Variants in INPP5B observed in about 807,000 individuals in gnomAD.
INPP5B encodes inositol polyphosphate-5-phosphatase B.
In INPP5B, 90 loss-of-function variants were observed where a neutral mutation model predicts 118.5. The observed-to-expected ratio is 0.76, with a 90% CI of 0.64 to 0.90. The LOEUF is 0.90. INPP5B is among the 40% of genes least tolerant of loss of function. INPP5B has a pLI of 0.00. For synonymous variants in INPP5B, 385 were observed against 418.9 expected, an observed-to-expected ratio of 0.92 and a Z score of 0.99; for missense variants, 984 against 1,125.6, an observed-to-expected ratio of 0.87 and a Z score of 1.80.
At chr1:37,886,325 C>T (rs1643534852) in intron 12 of INPP5B, among the ~76,000 whole-genome samples, 1 of 151,776 alleles carries the variant, frequency 6.6e-6, no homozygotes, top group African/African-American at 2.4e-5. Context: ...AAGCTGAATC[C>T]ACAACCTAAC....
intron 20 of INPP5B, among the ~76,000 whole-genome samples, 183 bp downstream of exon 20, chr1:37,868,312 CAAAAAA>C (rs35639791): frequency 1.2e-5 from 1 of 83,026 alleles, no homozygotes; most frequent in Non-Finnish European, 2.4e-5. Flanking sequence ...AACTCTGTCT[CAAAAAA>C]AAAAAAAAAA....
intron 19 of INPP5B, among the ~76,000 whole-genome samples, chr1:37,869,289 G>A (rs540104145): frequency 1.0e-4 from 15 of 150,290 alleles, no homozygotes; most frequent in African/African-American, 3.2e-4. Context: ...CACCGTGCCC[G>A]GCCCGATTTT....
At chr1:37,898,284 CAAAT>C (rs1644198272) in intron 7 of INPP5B, among the ~76,000 whole-genome samples, 1 of 151,886 alleles carries the variant, frequency 6.6e-6, no homozygotes, top group Non-Finnish European at 1.5e-5. Flanking sequence ...AGGGTGGGGT[CAAAT>C]AAATGAAGAA....
chr1:37,905,726 T>C (rs902682575), intron 7 of INPP5B, among the ~76,000 whole-genome samples: 1 of 152,206 alleles, frequency 6.6e-6, no homozygotes, highest in Non-Finnish European at 1.5e-5. Flanking sequence ...GACATTAGAA[T>C]TGAGGAAAAA....
At chr1:37,896,854 G>A (rs1644117312) in intron 7 of INPP5B, among the ~76,000 whole-genome samples, 1 of 138,334 alleles carries the variant, frequency 7.2e-6, no homozygotes, top group African/African-American at 2.7e-5. Flanking sequence ...GCCCCTACGG[G>A]GAAGTGAGGA....
At position 37,889,598 on chromosome 1, in the gene INPP5B, T is replaced by C. The variant is rs751225260; in HGVS notation, c.756A>G (p.Leu252=). 37 of 1,613,918 alleles carry C rather than the reference T, an allele frequency of 2.3e-5. No homozygotes were observed. The African/African-American group carries it at 2.7e-4, about 12-fold the overall frequency. The change falls in exon 9 of 24, where the codon CTA becomes CTG. Residue 252 remains leucine, a synonymous_variant. Coordinates refer to ENST00000373024, the MANE Select transcript of INPP5B (RefSeq NM_005540.3). ...AGGTGTAATCCTCTTCTTTCTGTAGTAGATGTGATTTCACAATTGTATCTC... is the reference window on the plus strand; with the variant it reads ...AGGTGTAATCCTCTTCTTTCTGTAGCAGATGTGATTTCACAATTGTATCTC... ...GLRDTIVKSH[L]LQKEEDYTYI... is the part of the protein sequence containing the mutation.
intron 14 of INPP5B, among the ~76,000 whole-genome samples, chr1:37,881,955 C>T (rs1239464668): frequency 2.6e-5 from 4 of 151,898 alleles, no homozygotes; most frequent in East Asian, 1.9e-4. Flanking sequence ...AAAAATTAGC[C>T]GGGCATACTG....
At chr1:37,891,507 G>T in intron 7 of INPP5B, 53 bp from the exon 8 acceptor site, 1 of 1,318,150 alleles carries the variant, frequency 7.6e-7, no homozygotes, top group African/African-American at 1.4e-5. Context: ...GGACATGGTG[G>T]CTCATGCCTG....
chr1:37,874,047 A>C lies in INPP5B; in HGVS notation c.1897T>G (p.Ser633Ala). The change falls in exon 18 of 24, where the codon TCT becomes GCT. Residue 633 changes from serine to alanine, a missense_variant. By Grantham distance (99) the Ser-to-Ala change is moderately conservative. Transcript: ENST00000373024. ...FEFINKPDEE[S>A]YCKQWLNANP... ...GCATTCAGCCACTGCTTACAGTAAG[A>C]CTCTTCATCAGGCTTGTTGATGAAT... The C allele has an allele frequency of 6.2e-7, 1 of 1,606,186 alleles. No homozygotes were observed. Among genetic ancestry groups the C allele is most frequent in the Non-Finnish European group, 8.5e-7 (1 of 1,174,136 alleles).
intron 7 of INPP5B, among the ~76,000 whole-genome samples, chr1:37,897,175 C>T (rs564070105): frequency 6.6e-5 from 10 of 151,830 alleles, no homozygotes; most frequent in East Asian, 2.0e-4. Flanking sequence ...TCTGCCTGGC[C>T]GCGCCTACTG....
chr1:37,892,367 G>A (rs562756093), intron 7 of INPP5B, among the ~76,000 whole-genome samples: 67 of 152,276 alleles, frequency 4.4e-4, no homozygotes, highest in Non-Finnish European at 8.2e-4. Context: ...GAAAACCAAA[G>A]AGCCCAAGGG....
intron 7 of INPP5B, among the ~76,000 whole-genome samples, chr1:37,910,721 C>G (rs966419771): frequency 2.0e-5 from 3 of 152,150 alleles, no homozygotes; most frequent in African/African-American, 7.2e-5. Flanking sequence ...AGCCTATAAA[C>G]TCTCCTTACA....
intron 7 of INPP5B, among the ~76,000 whole-genome samples, chr1:37,894,837 C>T (rs79394622): frequency 0.016 from 2,465 of 152,240 alleles, 71 homozygotes; most frequent in African/African-American, 0.057. Flanking sequence ...CCACTATACC[C>T]GGCCCCTGTG....
chr1:37,865,872 A>G lies in INPP5B; in HGVS notation c.2403T>C (p.Ser801=), dbSNP rs1641996245. ...MIDNLSASNH[S]VAEALLLFLE... is the part of the protein sequence containing the mutation. ...GGAAAAGCAGCAGGGCTTCGGCTAC[A>G]GAATGATTGCTGGCAGCTTTTGGCC... is the stretch of plus-strand genomic sequence containing the variant. The change falls in exon 22 of 24, where the codon TCT becomes TCC. Residue 801 remains serine, a synonymous_variant. Transcript: ENST00000373024. The G allele has an allele frequency of 1.2e-6, 2 of 1,613,432 alleles. No homozygotes were observed. The highest frequency in any genetic ancestry group is 1.7e-6 in the Non-Finnish European group (2 of 1,179,582).
At chr1:37,941,790 T>C (rs1645923737) in intron 5 of INPP5B, among the ~76,000 whole-genome samples, 1 of 136,294 alleles carries the variant, frequency 7.3e-6, no homozygotes. Context: ...TACAAAAAAT[T>C]AGCCGGGCAT....
chr1:37,902,142 A>G (rs1644355539), intron 7 of INPP5B, among the ~76,000 whole-genome samples: 1 of 151,846 alleles, frequency 6.6e-6, no homozygotes, highest in African/African-American at 2.4e-5. Context: ...ATGCACCACC[A>G]CGCCCAGCTA....
intron 7 of INPP5B, among the ~76,000 whole-genome samples, chr1:37,910,273 T>G (rs1402373618): frequency 6.6e-6 from 1 of 152,172 alleles, no homozygotes; most frequent in African/African-American, 2.4e-5. Flanking sequence ...CGTGTTTCCC[T>G]TGCCTCCATA....
At chr1:37,904,069 G>C (rs1644422756) in intron 7 of INPP5B, among the ~76,000 whole-genome samples, 1 of 152,184 alleles carries the variant, frequency 6.6e-6, no homozygotes, top group Non-Finnish European at 1.5e-5. Context: ...GCTCATGCCT[G>C]TAATCCTAGA....
chr1:37,884,398 T>G (rs1643389861), intron 13 of INPP5B: 1 of 151,906 alleles, frequency 6.6e-6, no homozygotes, highest in African/African-American at 2.4e-5. Flanking sequence ...TCTTCCTGCC[T>G]CAGATTCCTG....
Sources: gnomAD v4.1 joint callset for allele counts (sites outside exome capture counted in the v4.1 genomes callset) on GRCh38, gnomAD v4.1.1 for gene constraint, MANE v1.5 for transcripts, NCBI Gene and HGNC (gene_info 2026-07-23, HGNC 2026-07-21) for gene names.